CLYBL: variants seen among roughly 807,000 people sequenced by gnomAD.
CLYBL encodes citramalyl-CoA lyase, mitochondrial.
A neutral mutation model predicts 38.9 loss-of-function variants in CLYBL; 31 were observed. The ratio of observed to expected loss-of-function variants is 0.80; its 90% confidence interval spans 0.60 to 1.08. CLYBL has a LOEUF of 1.08. CLYBL is among the 50% of genes least tolerant of loss of function. The probability of loss-of-function intolerance (pLI) is 0.00; values close to 1 mark genes in which losing one functional copy is unlikely to be tolerated. For synonymous variants in CLYBL, 171 were observed against 158.6 expected (o/e 1.08, Z -0.59); for missense variants, 434 against 411.6 (o/e 1.05, Z -0.47).
intron 1 of CLYBL, among the ~76,000 whole-genome samples, chr13:99,653,406 G>A (rs1008034635): frequency 4.6e-5 from 7 of 151,976 alleles, no homozygotes; most frequent in African/African-American, 1.5e-4. Context: ...ATAAGGGGGA[G>A]CACCCAGCAC....
intron 2 of CLYBL, among the ~76,000 whole-genome samples, chr13:99,818,859 T>C (rs935567653): frequency 1.3e-5 from 2 of 152,190 alleles, no homozygotes; most frequent in African/African-American, 4.8e-5. Context: ...CTCCACAGTC[T>C]TCATAATTAT....
intron 1 of CLYBL, among the ~76,000 whole-genome samples, chr13:99,619,051 T>G (rs558419370): frequency 6.6e-6 from 1 of 152,340 alleles, no homozygotes; most frequent in African/African-American, 2.4e-5. Context: ...AAGCCTAAAG[T>G]GGATTTCTTT....
At chr13:99,635,943 A>G (rs1414798126) in intron 1 of CLYBL, among the ~76,000 whole-genome samples, 1 of 152,182 alleles carries the variant, frequency 6.6e-6, no homozygotes, top group Non-Finnish European at 1.5e-5. Flanking sequence ...TTTTTTAAAC[A>G]TTGTGTTGAT....
At chr13:99,813,754 G>GTA (rs2050387751) in intron 2 of CLYBL, among the ~76,000 whole-genome samples, 2 of 152,138 alleles carry the variant, frequency 1.3e-5, no homozygotes, top group African/African-American at 4.8e-5. Context: ...CAGTAGTACT[G>GTA]TATATATATA....
chr13:99,646,706 A>G (rs1306552499), intron 1 of CLYBL, among the ~76,000 whole-genome samples: 3 of 102,598 alleles, frequency 2.9e-5, no homozygotes, highest in Admixed American at 1.0e-4. Flanking sequence ...TTGTATTTTT[A>G]GTAGAGACAG....
intron 1 of CLYBL, among the ~76,000 whole-genome samples, chr13:99,763,764 A>G (rs1341524702): frequency 3.3e-5 from 5 of 151,956 alleles, no homozygotes; most frequent in Admixed American, 3.3e-4. Flanking sequence ...CATGTTGGCT[A>G]GGTTGGTCTC....
intron 2 of CLYBL, among the ~76,000 whole-genome samples, chr13:99,784,244 T>A (rs531500074): frequency 6.6e-6 from 1 of 152,280 alleles, no homozygotes; most frequent in Admixed American, 6.5e-5. Flanking sequence ...AAAGAAAATT[T>A]GTGTTTGCTC....
At chr13:99,767,902 T>G (rs755852319) in intron 1 of CLYBL, among the ~76,000 whole-genome samples, 3 of 152,178 alleles carry the variant, frequency 2.0e-5, no homozygotes, top group Non-Finnish European at 2.9e-5. Flanking sequence ...TTTAAGACAG[T>G]TGTTTTAAAG....
downstream of CLYBL, chr13:99,893,623 G>A (rs1483711875): frequency 6.6e-6 from 1 of 152,444 alleles, no homozygotes; most frequent in East Asian, 1.9e-4. Context: ...AGAAGCCCTT[G>A]GCTTGAGGGG....
intron 1 of CLYBL, among the ~76,000 whole-genome samples, chr13:99,686,794 G>T (rs781043026): frequency 6.6e-6 from 1 of 152,128 alleles, no homozygotes; most frequent in African/African-American, 2.4e-5. Context: ...AGCATCAGTT[G>T]GGGACGAGCT....
At chr13:99,742,005 G>A (rs2048765743) in intron 1 of CLYBL, among the ~76,000 whole-genome samples, 1 of 152,212 alleles carries the variant, frequency 6.6e-6, no homozygotes, top group African/African-American at 2.4e-5. Flanking sequence ...TGTGGAAAAT[G>A]AGGGCAATTC....
chr13:99,724,777 C>A (rs2139542637), intron 1 of CLYBL, among the ~76,000 whole-genome samples: 1 of 152,300 alleles, frequency 6.6e-6, no homozygotes, highest in South Asian at 2.1e-4. Flanking sequence ...TCTTAGGACA[C>A]TTTGTTCTTA....
chr13:99,804,249 T>C (rs2050189335), intron 2 of CLYBL, among the ~76,000 whole-genome samples: 1 of 152,242 alleles, frequency 6.6e-6, no homozygotes, highest in Non-Finnish European at 1.5e-5. Flanking sequence ...CTGCAGGAGT[T>C]TGGGCCACAT....
At chr13:99,868,518 T>C (rs2051806969) in intron 6 of CLYBL, among the ~76,000 whole-genome samples, 2 of 152,168 alleles carry the variant, frequency 1.3e-5, no homozygotes, top group African/African-American at 4.8e-5. Context: ...AATGAAAGTA[T>C]TGTGTTATCC....
At chr13:99,761,580 T>C (rs1699977230) in intron 1 of CLYBL, among the ~76,000 whole-genome samples, 1 of 152,208 alleles carries the variant, frequency 6.6e-6, no homozygotes, top group Non-Finnish European at 1.5e-5. Flanking sequence ...ATAGACACTT[T>C]GATTGGTTCC....
In CLYBL at chr13:99,772,906, C is replaced by CTT; in HGVS notation, c.147_148dup (p.Tyr50PhefsTer11). The CTT allele has an allele frequency of 6.2e-7, 1 of 1,613,752 alleles. No homozygotes were observed. ...CAAGTACATCCCCCGGAGGGCAGTG[C>CTT]TTTATGTACCTGGAAATGATGAAAA... On this transcript the variant is annotated frameshift_variant, in exon 2 of 9. Transcript: ENST00000339105. LOFTEE classifies it high-confidence loss of function.
At chr13:99,737,535 T>C (rs1027514900) in intron 1 of CLYBL, among the ~76,000 whole-genome samples, 2 of 152,198 alleles carry the variant, frequency 1.3e-5, no homozygotes, top group African/African-American at 2.4e-5. Flanking sequence ...TTTCCTTACC[T>C]CTCACCTCCT....
intron 4 of CLYBL, 26 bp from the exon 5 acceptor site, chr13:99,864,792 C>T: frequency 6.5e-7 from 1 of 1,543,546 alleles, no homozygotes; most frequent in Non-Finnish European, 9.0e-7. Context: ...TTCCGTGAGA[C>T]TTAGTTCTGT....
intron 2 of CLYBL, among the ~76,000 whole-genome samples, chr13:99,830,357 C>G (rs1163376810): frequency 2.0e-5 from 3 of 152,148 alleles, no homozygotes; most frequent in Non-Finnish European, 4.4e-5. Flanking sequence ...AACAACACAA[C>G]GGGAAGGACA....
Sources: gnomAD v4.1 joint callset for allele counts (sites outside exome capture counted in the v4.1 genomes callset) on GRCh38, gnomAD v4.1.1 for gene constraint, MANE v1.5 for transcripts, NCBI Gene and HGNC (gene_info 2026-07-23, HGNC 2026-07-21) for gene names.